Variants in WWP2 observed in about 807,000 individuals in gnomAD.
WWP2 encodes the protein WW domain containing E3 ubiquitin protein ligase 2, also known as NEDD4-like E3 ubiquitin-protein ligase WWP2.
In WWP2, 57 loss-of-function variants were observed where a neutral mutation model predicts 121.0. The observed-to-expected ratio is 0.47, with a 90% CI of 0.38 to 0.59. WWP2 has a LOEUF of 0.59. WWP2 is among the 20% of genes least tolerant of loss of function. WWP2 has a pLI of 0.00. For missense variants in WWP2, 962 were observed against 1,158.9 expected (o/e 0.83, Z 2.47); for synonymous variants, 449 against 441.3 (o/e 1.02, Z -0.22).
At chr16:69,915,756 G>A (rs1426831535) in intron 9 of WWP2, among the ~76,000 whole-genome samples, 3 of 152,168 alleles carry the variant, frequency 2.0e-5, no homozygotes, top group South Asian at 2.1e-4. Context: ...ACTTCGGGCC[G>A]GGTGCAGGGG....
chr16:69,793,161 G>T (rs1284280354), intron 2 of WWP2, among the ~76,000 whole-genome samples: 1 of 152,090 alleles, frequency 6.6e-6, no homozygotes, highest in East Asian at 1.9e-4. Context: ...GACCAGCCTC[G>T]CCAAGATGGT....
chr16:69,939,229 A>T (rs2058843908), intron 22 of WWP2, 106 bp downstream of exon 22: 1 of 1,556,518 alleles, frequency 6.4e-7, no homozygotes, highest in Non-Finnish European at 8.8e-7. Flanking sequence ...GATGGAGAAG[A>T]GCTGTGGCCT....
At chr16:69,778,169 AATAAAT>A (rs1261591927) in intron 1 of WWP2, among the ~76,000 whole-genome samples, 2 of 121,108 alleles carry the variant, frequency 1.7e-5, no homozygotes, top group Non-Finnish European at 3.2e-5. Context: ...TCATACTATA[AATAAAT>A]ATATATATAT....
chr16:69,815,264 A>G (rs2083223144), intron 4 of WWP2, among the ~76,000 whole-genome samples: 2 of 152,040 alleles, frequency 1.3e-5, no homozygotes, highest in South Asian at 4.1e-4. Context: ...TGGCCTCCCA[A>G]AGTGCTGGGA....
At chr16:69,780,567 T>C (rs922924432) in intron 1 of WWP2, among the ~76,000 whole-genome samples, 2 of 152,220 alleles carry the variant, frequency 1.3e-5, no homozygotes, top group Non-Finnish European at 2.9e-5. Flanking sequence ...TGCCATCTAA[T>C]GTGCGCTGCC....
intron 4 of WWP2, chr16:69,828,083 T>A (rs1307881103): frequency 5.5e-6 from 2 of 361,386 alleles, no homozygotes; most frequent in African/African-American, 2.1e-5. Context: ...TTTTTTTAAG[T>A]AAAGGAAAAT....
chr16:69,807,495 T>C (rs2056302782), intron 4 of WWP2, among the ~76,000 whole-genome samples: 2 of 151,630 alleles, frequency 1.3e-5, no homozygotes, highest in Non-Finnish European at 2.9e-5. Context: ...GGTGTGTGCC[T>C]CTGGTCCCAG....
At chr16:69,896,063 A>T (rs2151946805) in intron 8 of WWP2, among the ~76,000 whole-genome samples, 1 of 152,290 alleles carries the variant, frequency 6.6e-6, no homozygotes, top group Non-Finnish European at 1.5e-5. Flanking sequence ...GGGCCATGAG[A>T]TGTTTTCACC....
chr16:69,862,433 C>G (rs1475089255), intron 6 of WWP2, among the ~76,000 whole-genome samples: 1 of 151,436 alleles, frequency 6.6e-6, no homozygotes, highest in South Asian at 2.1e-4. Flanking sequence ...CAGGATCTCT[C>G]TCAGCTCACT....
intron 1 of WWP2, among the ~76,000 whole-genome samples, chr16:69,778,132 C>T (rs987487588): frequency 1.4e-5 from 2 of 146,994 alleles, no homozygotes; most frequent in African/African-American, 2.5e-5. Context: ...CATAGATACA[C>T]ACACACACAC....
intron 2 of WWP2, among the ~76,000 whole-genome samples, chr16:69,793,882 C>T (rs953274790): frequency 2.6e-5 from 3 of 115,984 alleles, no homozygotes; most frequent in Non-Finnish European, 5.5e-5. Flanking sequence ...AAGGTGGTTT[C>T]GTTTTGGGAA....
At chr16:69,934,954 G>A (rs2058773443) in intron 17 of WWP2, among the ~76,000 whole-genome samples, 1 of 152,182 alleles carries the variant, frequency 6.6e-6, no homozygotes. Flanking sequence ...AGGGTGTAGG[G>A]ACATCTGTCA....
At chr16:69,902,834 G>A (rs559822935) in intron 8 of WWP2, among the ~76,000 whole-genome samples, 11 of 152,234 alleles carry the variant, frequency 7.2e-5, no homozygotes, top group South Asian at 6.2e-4. Flanking sequence ...CAGGAGGCTC[G>A]TCTGGTTGGT....
rs1597196219 is a variant in WWP2 at position 69,939,533 on chromosome 16, G to C, written c.2513+120G>C. On this transcript the variant is annotated intron_variant, in intron 23 of 23. Coordinates refer to ENST00000359154, the MANE Select transcript of WWP2 (RefSeq NM_001270454.2). ...TCTGGCAGCTTTTGCGTGGCCCTGG[G>C]GTGTTGGGTTGGAGAGATGGGGCTG... 9 of 1,036,892 alleles carry C rather than the reference G, an allele frequency of 8.7e-6. No individual in the cohort carries two copies. In the South Asian group the frequency reaches 1.2e-4, roughly 14 times the overall value. The allele number at this position is 1,036,892 out of a possible 1,614,324, so 64.2% of individuals were successfully genotyped here.
At chr16:69,822,873 A>G (rs185913137) in intron 4 of WWP2, among the ~76,000 whole-genome samples, 59 of 152,336 alleles carry the variant, frequency 3.9e-4, no homozygotes, top group East Asian at 1.9e-3. Context: ...ACCGTGGCTC[A>G]CGCCTGCAAT....
chr16:69,933,504 C>T (rs568466844), intron 16 of WWP2, among the ~76,000 whole-genome samples: 11 of 152,258 alleles, frequency 7.2e-5, no homozygotes, highest in African/African-American at 2.2e-4. Flanking sequence ...TGTGTATTTA[C>T]GTTATGTTGC....
intron 2 of WWP2, 53 bp from the exon 3 acceptor site, chr16:69,798,629 G>C: frequency 6.4e-7 from 1 of 1,557,420 alleles, no homozygotes; most frequent in Non-Finnish European, 8.7e-7. Context: ...CCACAGGGGG[G>C]CATCTGGGAG....
rs1312242829 is a variant in WWP2 at position 69,936,048 on chromosome 16, A to G, written c.1976+62A>G. On this transcript the variant is annotated intron_variant, in intron 18 of 23. Transcript: ENST00000359154. Reference sequence around the variant, plus strand: ...GGAGGGACGTCTCTGGGTGGGAAGCAGGTACTGATGGCCTTTATTTTGTCT... The same window carrying G: ...GGAGGGACGTCTCTGGGTGGGAAGCGGGTACTGATGGCCTTTATTTTGTCT... 6 of 1,590,274 alleles carry G rather than the reference A, an allele frequency of 3.8e-6. No individual in the cohort carries two copies. The African/African-American group carries it at 8.1e-5, about 22-fold the overall frequency.
chr16:69,833,532 G>A lies in WWP2; in HGVS notation c.341-6594G>A, dbSNP rs142563189. 1.5e-4 allele frequency among the ~76,000 whole-genome samples: 23 copies of A among 152,372 alleles called. No homozygotes were observed. In the East Asian group the frequency reaches 3.5e-3, roughly 23 times the overall value. On this transcript the variant is annotated intron_variant, in intron 4 of 23. Transcript: ENST00000359154. ...GCACAGTCCCTGGGGACTTCCCAGAGTCTTTTCCCTAGATTCTCATATTCA... is the reference window on the plus strand; with the variant it reads ...GCACAGTCCCTGGGGACTTCCCAGAATCTTTTCCCTAGATTCTCATATTCA...
Sources: allele counts gnomAD v4.1 joint callset (sites outside exome capture counted in the v4.1 genomes callset), GRCh38; gene constraint gnomAD v4.1.1; transcripts MANE v1.5; gene names NCBI Gene and HGNC (gene_info 2026-07-23, HGNC 2026-07-21).